NAA35: variants seen among roughly 807,000 people sequenced by gnomAD.
NAA35 encodes the protein MAK10 homolog, amino-acid N-acetyltransferase subunit.
NAA35 carries 18 observed loss-of-function variants against 101.7 expected under a neutral mutation model. That is an observed-to-expected ratio of 0.18 (90% CI 0.12 to 0.26). NAA35 has a LOEUF of 0.26. Ranked by LOEUF, NAA35 falls within the 10% of genes least tolerant of loss-of-function variation. NAA35 has a pLI of 1.00. For missense variants in NAA35, 601 were observed against 886.8 expected, an observed-to-expected ratio of 0.68 and a Z score of 4.09; for synonymous variants, 267 against 273.1, an observed-to-expected ratio of 0.98 and a Z score of 0.22.
intron 13 of NAA35, 96 bp from the exon 14 acceptor site, chr9:86,007,262 A>G (rs141361675): frequency 1.5e-5 from 12 of 779,038 alleles, no homozygotes; most frequent in Non-Finnish European, 2.0e-5. Flanking sequence ...TATTTTAATC[A>G]CTTGCGTAGT....
At chr9:85,955,529 A>T (rs1564288258) in intron 2 of NAA35, among the ~76,000 whole-genome samples, 1 of 148,984 alleles carries the variant, frequency 6.7e-6, no homozygotes, top group Non-Finnish European at 1.5e-5. Context: ...CACCTGGCTA[A>T]TTTTTTTGTA....
intron 11 of NAA35, among the ~76,000 whole-genome samples, chr9:85,982,378 T>C (rs1356912484): frequency 6.6e-6 from 1 of 152,200 alleles, no homozygotes; most frequent in Non-Finnish European, 1.5e-5. Context: ...TCTTTGTTTT[T>C]GCTTATGCTG....
intron 2 of NAA35, among the ~76,000 whole-genome samples, chr9:85,944,067 G>A (rs1358209800): frequency 3.9e-5 from 6 of 152,180 alleles, no homozygotes; most frequent in Admixed American, 3.9e-4. Flanking sequence ...AAGATTGAAA[G>A]TTTGTTCCCC....
chr9:85,951,773 G>T (rs904136377), intron 2 of NAA35, among the ~76,000 whole-genome samples: 1 of 152,140 alleles, frequency 6.6e-6, no homozygotes, highest in Admixed American at 6.5e-5. Flanking sequence ...TCCTGCCTCA[G>T]CATCCTGAAT....
chr9:85,954,188 C>T (rs1186050418), intron 2 of NAA35, among the ~76,000 whole-genome samples: 1 of 152,026 alleles, frequency 6.6e-6, no homozygotes, highest in Admixed American at 6.6e-5. Context: ...TCAAGCAATC[C>T]TCCCACCTCA....
intron 6 of NAA35, among the ~76,000 whole-genome samples, chr9:85,972,513 A>T (rs1248273038): frequency 6.7e-6 from 1 of 149,780 alleles, no homozygotes; most frequent in East Asian, 1.9e-4. Flanking sequence ...CTGTCTCAAA[A>T]AAAAAAAAAA....
intron 14 of NAA35, among the ~76,000 whole-genome samples, chr9:86,007,992 A>G (rs1289708251): frequency 6.6e-6 from 1 of 152,214 alleles, no homozygotes; most frequent in African/African-American, 2.4e-5. Context: ...TGGCTGCCAA[A>G]TATTTCATAA....
chr9:86,016,175 G>A (rs904617365), intron 17 of NAA35, among the ~76,000 whole-genome samples: 3 of 151,892 alleles, frequency 2.0e-5, no homozygotes, highest in African/African-American at 7.2e-5. Flanking sequence ...TAATTTTTAA[G>A]AATGATTTTA....
Position 85,988,413 on chromosome 9 carries a change from C to T in NAA35, c.878-7986C>T, listed in dbSNP as rs371951215. Reference sequence around the variant, plus strand: ...ATAATAGAAAGGGAGTAAAAGTGACCAGGCAGAGTTCAGGAAAGCAGTAGA... The same window carrying T: ...ATAATAGAAAGGGAGTAAAAGTGACTAGGCAGAGTTCAGGAAAGCAGTAGA... On this transcript the variant is annotated intron_variant, in intron 11 of 22. Coordinates refer to ENST00000361671, the MANE Select transcript of NAA35 (RefSeq NM_024635.4). Among the ~76,000 whole-genome samples, 247 of 152,126 alleles carry T rather than the reference C, an allele frequency of 1.6e-3. 1 individual carries two copies. Among genetic ancestry groups the T allele is most frequent in the African/African-American group, 3.8e-3 (156 of 41,502 alleles).
chr9:86,007,493 T>C, intron 14 of NAA35, 29 bp downstream of exon 14: 1 of 1,558,456 alleles, frequency 6.4e-7, no homozygotes, highest in Non-Finnish European at 8.8e-7. Context: ...TTTAGAGTTG[T>C]ATGTATGTGC....
intron 6 of NAA35, 54 bp from the exon 7 acceptor site, chr9:85,974,913 C>T (rs142807028): frequency 4.2e-5 from 52 of 1,247,284 alleles, no homozygotes; most frequent in Admixed American, 3.6e-4. Context: ...TATATTTTGC[C>T]GCTATTTAAG....
In NAA35 at chr9:86,022,065, T is replaced by C; in HGVS notation, c.*105T>C. 1 of 827,144 alleles carries C rather than the reference T, an allele frequency of 1.2e-6. No homozygotes were observed. Among genetic ancestry groups the C allele is most frequent in the East Asian group, 2.6e-5 (1 of 38,056 alleles). 51.2% of individuals were successfully genotyped at this position (827,144 alleles called of 1,614,324 possible). A position where few individuals can be genotyped will look rare whatever the true frequency, so the allele number is the denominator to read the frequency against. Reference sequence around the variant, plus strand: ...CATCACGGGAAGTGAGATGGATTTCTTGGGTAACAACTCATTATAAGGAAT... The same window carrying C: ...CATCACGGGAAGTGAGATGGATTTCCTGGGTAACAACTCATTATAAGGAAT... On this transcript the variant is annotated 3_prime_UTR_variant, in exon 23 of 23. Transcript: ENST00000361671.
At chr9:86,019,527 C>T (rs1030240926) in intron 21 of NAA35, among the ~76,000 whole-genome samples, 34 of 152,116 alleles carry the variant, frequency 2.2e-4, no homozygotes, top group Admixed American at 2.1e-3. Context: ...CAGTTATCAC[C>T]GGAACAACCT....
chr9:85,958,158 C>T (rs1293587583), intron 3 of NAA35, among the ~76,000 whole-genome samples: 1 of 152,146 alleles, frequency 6.6e-6, no homozygotes, highest in African/African-American at 2.4e-5. Context: ...TCAGGCTGGT[C>T]TTGAACTCCC....
chr9:85,964,046 G>A (rs2117913487), intron 6 of NAA35, among the ~76,000 whole-genome samples: 1 of 151,504 alleles, frequency 6.6e-6, no homozygotes, highest in South Asian at 2.1e-4. Flanking sequence ...TAACAAGATT[G>A]TTGAGGATGG....
chr9:86,001,371 T>C (rs552380271), intron 12 of NAA35, among the ~76,000 whole-genome samples: 1 of 152,238 alleles, frequency 6.6e-6, no homozygotes, highest in Admixed American at 6.5e-5. Context: ...TGTTTTTGGG[T>C]GGAGACTTCT....
At chr9:86,007,530 C>T in intron 14 of NAA35, 66 bp downstream of exon 14, 2 of 1,172,464 alleles carry the variant, frequency 1.7e-6, no homozygotes, top group Non-Finnish European at 2.5e-6. Flanking sequence ...CTTCTCTGTA[C>T]TCCTTCTTTA....
At chr9:85,979,762 A>G (rs867682916) in intron 11 of NAA35, among the ~76,000 whole-genome samples, 4 of 152,218 alleles carry the variant, frequency 2.6e-5, no homozygotes, top group African/African-American at 4.8e-5. Flanking sequence ...TCATCAGTAC[A>G]GAAGACTTGA....
rs375704122 is a variant in NAA35 at position 85,976,928 on chromosome 9, T to A, written c.678+193T>A. On this transcript the variant is annotated intron_variant, in intron 9 of 22. Coordinates refer to ENST00000361671, the MANE Select transcript of NAA35 (RefSeq NM_024635.4). ...AATACAGCTCTTTCAAATAGATGAT[T>A]TCAAAACTCTTCAGTATTCCTGTGA... Among the ~76,000 whole-genome samples, 192 of 152,226 alleles carry A rather than the reference T, an allele frequency of 1.3e-3. 4 individuals are homozygous for A. In the South Asian group the frequency reaches 0.034, roughly 27 times the overall value.
Sources: gnomAD v4.1 joint callset for allele counts (sites outside exome capture counted in the v4.1 genomes callset) on GRCh38, gnomAD v4.1.1 for gene constraint, MANE v1.5 for transcripts, NCBI Gene and HGNC (gene_info 2026-07-23, HGNC 2026-07-21) for gene names.